Variants in LSM14A observed in about 807,000 individuals in gnomAD.
LSM14A encodes LSM14A mRNA processing body assembly factor.
LSM14A carries 14 observed loss-of-function variants against 52.4 expected under a neutral mutation model. The observed-to-expected ratio is 0.27, with a 90% confidence interval of 0.18 to 0.42. The LOEUF (loss-of-function observed/expected upper bound fraction) is 0.42. Among genes scored for constraint, LSM14A ranks in the 10% least tolerant of loss-of-function variants. The pLI, the probability that LSM14A is intolerant of heterozygous loss-of-function variation, is 1.00. For missense variants in LSM14A, 417 were observed against 581.8 expected, an observed-to-expected ratio of 0.72 and a Z score of 2.91; for synonymous variants, 185 against 200.3, an observed-to-expected ratio of 0.92 and a Z score of 0.64.
At chr19:34,203,326 C>G (rs1449824736) in intron 3 of LSM14A, among the ~76,000 whole-genome samples, 1 of 147,102 alleles carries the variant, frequency 6.8e-6, no homozygotes, top group Non-Finnish European at 1.5e-5. Flanking sequence ...TCAGTGGGTA[C>G]ATTTTAGTTG....
chr19:34,214,166 G>GT (rs1031356342), intron 4 of LSM14A, among the ~76,000 whole-genome samples: 6 of 151,712 alleles, frequency 4.0e-5, no homozygotes, highest in East Asian at 1.9e-4. Context: ...TATCTGAAGG[G>GT]TTTTTTTTGT....
At chr19:34,195,779 A>G (rs1163702746) in intron 2 of LSM14A, among the ~76,000 whole-genome samples, 1 of 152,220 alleles carries the variant, frequency 6.6e-6, no homozygotes, top group African/African-American at 2.4e-5. Context: ...ATGGCTTTTG[A>G]TAATTCTCCA....
At chr19:34,181,584 A>G (rs2069485670) in intron 1 of LSM14A, among the ~76,000 whole-genome samples, 3 of 152,094 alleles carry the variant, frequency 2.0e-5, no homozygotes, top group Non-Finnish European at 4.4e-5. Context: ...ACTTGATCGT[A>G]TGCCATTTTT....
At chr19:34,181,052 C>A (rs1270210743) in intron 1 of LSM14A, among the ~76,000 whole-genome samples, 2 of 152,152 alleles carry the variant, frequency 1.3e-5, no homozygotes, top group Non-Finnish European at 2.9e-5. Flanking sequence ...CCCTCACATA[C>A]CCAGTTACCT....
chr19:34,172,820 C>A, intron 1 of LSM14A, 57 bp downstream of exon 1: 2 of 1,496,860 alleles, frequency 1.3e-6, no homozygotes, highest in South Asian at 1.3e-5. Flanking sequence ...CGGGGCTGCT[C>A]CCCGCTCCGG....
chr19:34,187,702 G>C (rs983360530), intron 1 of LSM14A, among the ~76,000 whole-genome samples: 9 of 152,116 alleles, frequency 5.9e-5, no homozygotes, highest in African/African-American at 2.2e-4. Flanking sequence ...TTTTATAATG[G>C]AGGTATTGTA....
In LSM14A at chr19:34,172,581, C is replaced by G. The variant is rs555627446; in HGVS notation, c.-62C>G. 1.4e-5 allele frequency: 20 copies of G among 1,478,356 alleles called. No individual in the cohort carries two copies. In the East Asian group the frequency reaches 5.6e-4, roughly 41 times the overall value. 91.6% of individuals were successfully genotyped at this position (1,478,356 alleles called of 1,614,324 possible). ...CGACGGAGCGAGCGGGCGTGCGGAG[C>G]GGGCGACAGTGGCGTGGGATCTGCC... On this transcript the variant is annotated 5_prime_UTR_variant, in exon 1 of 10. Coordinates refer to ENST00000544216, the MANE Select transcript of LSM14A (RefSeq NM_015578.4).
At chr19:34,176,425 C>T (rs2069093481) in intron 1 of LSM14A, among the ~76,000 whole-genome samples, 1 of 152,134 alleles carries the variant, frequency 6.6e-6, no homozygotes, top group Non-Finnish European at 1.5e-5. Context: ...TTGCCAGCAT[C>T]CCAGAAGCCT....
At chr19:34,220,369 A>G (rs1211243986) in intron 8 of LSM14A, among the ~76,000 whole-genome samples, 3 of 152,244 alleles carry the variant, frequency 2.0e-5, no homozygotes, top group Non-Finnish European at 2.9e-5. Flanking sequence ...ATATATTCAT[A>G]TTTGAATATT....
chr19:34,222,781 G>A (rs539345413), intron 9 of LSM14A, among the ~76,000 whole-genome samples: 81 of 152,126 alleles, frequency 5.3e-4, no homozygotes, highest in Non-Finnish European at 8.4e-4. Context: ...GCCGTTGGTG[G>A]CCTTATGTAG....
At chr19:34,192,310 C>CTTTTTTTTTTTTTTTTTTTTTTTT (rs1568479681) in intron 1 of LSM14A, among the ~76,000 whole-genome samples, 2 of 51,660 alleles carry the variant, frequency 3.9e-5, no homozygotes, top group Non-Finnish European at 8.3e-5. Flanking sequence ...AAATAACATT[C>CTTTTTTTTTTTTTTTTTTTTTTTT]TTTTTGTTGT....
chr19:34,197,801 A>G (rs990458964), intron 3 of LSM14A, among the ~76,000 whole-genome samples: 1 of 152,216 alleles, frequency 6.6e-6, no homozygotes. Context: ...AAAGATACGC[A>G]TAGCATGATT....
At position 34,192,319 on chromosome 19, in the gene LSM14A, G is replaced by GTTTTTTTTTT. The variant is rs71165632; in HGVS notation, c.122-2145_122-2136dup. ...ACACTGAAATAACATTCTTTTTGTTGTTTTTTTTTTTTTTTTTTTTTTTGG... is the reference window on the plus strand; with the variant it reads ...ACACTGAAATAACATTCTTTTTGTTGTTTTTTTTTTTTTTTTTTTTTTTTTTTTTTTTTGG... On this transcript the variant is annotated intron_variant, in intron 1 of 9. Coordinates refer to ENST00000544216, the MANE Select transcript of LSM14A (RefSeq NM_015578.4). 4.9e-3 allele frequency among the ~76,000 whole-genome samples: 264 copies of GTTTTTTTTTT among 53,404 alleles called. 20 individuals are homozygous for GTTTTTTTTTT. The highest frequency in any genetic ancestry group is 6.1e-3 in the Non-Finnish European group (188 of 30,620). 35.0% of individuals were successfully genotyped at this position (53,404 alleles called of 152,430 possible). A position where few individuals can be genotyped will look rare whatever the true frequency, so the allele number is the denominator to read the frequency against.
At chr19:34,173,848 T>A (rs2068889210) in intron 1 of LSM14A, among the ~76,000 whole-genome samples, 1 of 152,218 alleles carries the variant, frequency 6.6e-6, no homozygotes, top group Non-Finnish European at 1.5e-5. Context: ...TCGAAATCTG[T>A]AAAATTTTAA....
chr19:34,205,517 A>G (rs2071630055), intron 3 of LSM14A, among the ~76,000 whole-genome samples: 2 of 131,850 alleles, frequency 1.5e-5, no homozygotes, highest in African/African-American at 2.7e-5. Context: ...AAAAAAAAAA[A>G]TACTAGGAAA....
chr19:34,173,882 G>T (rs1378707245), intron 1 of LSM14A, among the ~76,000 whole-genome samples: 1 of 152,084 alleles, frequency 6.6e-6, no homozygotes, highest in Non-Finnish European at 1.5e-5. Flanking sequence ...ATAGGGGAGT[G>T]GTTTCACGGG....
chr19:34,198,315 A>T (rs997028834), intron 3 of LSM14A, among the ~76,000 whole-genome samples: 5 of 152,126 alleles, frequency 3.3e-5, no homozygotes, highest in African/African-American at 1.2e-4. Flanking sequence ...GGCAAAAAAA[A>T]AGCAAACTAA....
Position 34,208,992 on chromosome 19 carries a change from G to T in LSM14A, c.479G>T (p.Ser160Ile). The T allele has an allele frequency of 6.2e-7, 1 of 1,611,946 alleles. No individual in the cohort carries two copies. Reference sequence around the variant, plus strand: ...AACAGTGGTACCTTACCCCAAAGTAGTGCGGTTGGTTCTGCCTTTACACAG... The same window carrying T: ...AACAGTGGTACCTTACCCCAAAGTATTGCGGTTGGTTCTGCCTTTACACAG... ...TSNSGTLPQS[S>I]AVGSAFTQDT... The change falls in exon 4 of 10, where the codon AGT (serine) becomes ATT (isoleucine). Residue 160 changes from serine to isoleucine, a missense_variant. This residue lies in a region of LSM14A where 357 missense variants were observed against 457.0 expected (regional missense o/e 0.78). Transcript: ENST00000544216.
chr19:34,185,066 A>G (rs1473192696), intron 1 of LSM14A, among the ~76,000 whole-genome samples: 2 of 152,192 alleles, frequency 1.3e-5, no homozygotes, highest in African/African-American at 4.8e-5. Flanking sequence ...TAAAATTTCA[A>G]ATTGCCTTTT....
Sources: gnomAD v4.1 joint callset for allele counts (sites outside exome capture counted in the v4.1 genomes callset) on GRCh38, gnomAD v4.1.1 for gene constraint, gnomAD v4.1.1 regional missense constraint, MANE v1.5 for transcripts, NCBI Gene and HGNC (gene_info 2026-07-23, HGNC 2026-07-21) for gene names.